The following LRRC37A2 variants were observed in gnomAD, a reference collection of about 807,000 sequenced individuals.
LRRC37A2 encodes the protein leucine rich repeat containing 37 member A2, also known as leucine-rich repeat-containing protein 37A2.
Under a neutral mutation model 68.8 loss-of-function variants are expected in LRRC37A2, and 9 were observed. The ratio of observed to expected loss-of-function variants is 0.13; its 90% confidence interval spans 0.08 to 0.23. The LOEUF (loss-of-function observed/expected upper bound fraction) is 0.23. LRRC37A2 is among the 10% of genes least tolerant of loss of function. The pLI, the probability that LRRC37A2 is intolerant of heterozygous loss-of-function variation, is 1.00. For missense variants in LRRC37A2, 168 were observed against 950.4 expected, an observed-to-expected ratio of 0.18 and a Z score of 10.82; for synonymous variants, 63 against 367.6, an observed-to-expected ratio of 0.17 and a Z score of 9.48.
At chr17:46,525,446 G>A (rs58694652) in intron 6 of LRRC37A2, among the ~76,000 whole-genome samples, 6,427 of 110,520 alleles carry the variant, frequency 0.058, 591 homozygotes, top group East Asian at 0.38. Flanking sequence ...AATTAGCTGG[G>A]CATGGTGGCA....
the LRRC37A2 span, among the ~76,000 whole-genome samples, chr17:46,980,810 G>A: frequency 1.3e-5 from 2 of 151,860 alleles, no homozygotes. Context: ...TCCAGCCTGG[G>A]TGACAGAGCG....
chr17:46,541,346 G>A (rs2055278686), intron 8 of LRRC37A2, among the ~76,000 whole-genome samples: 1 of 149,316 alleles, frequency 6.7e-6, no homozygotes, highest in South Asian at 2.1e-4. Flanking sequence ...CCACCTCCCA[G>A]GTTCAAGTGG....
At chr17:46,635,649 TA>T in the LRRC37A2 span, among the ~76,000 whole-genome samples, 1 of 77,010 alleles carries the variant, frequency 1.3e-5, no homozygotes, top group Middle Eastern at 9.4e-3. Context: ...GTTGGAGGGA[TA>T]AAAGTTGGTC....
At chr17:46,851,596 A>T in the LRRC37A2 span, 1 of 1,152,426 alleles carries the variant, frequency 8.7e-7, no homozygotes, top group Non-Finnish European at 1.1e-6. The surrounding 1 kb of genome is among the most constrained non-coding windows in gnomAD (Gnocchi z 4.3). Flanking sequence ...TGCGAGCTTG[A>T]GCGGCGCGAG....
chr17:47,014,622 G>A, the LRRC37A2 span, among the ~76,000 whole-genome samples: 2 of 151,382 alleles, frequency 1.3e-5, no homozygotes, highest in African/African-American at 4.9e-5. Context: ...CAGAACTGAG[G>A]ATTGTATTAC....
chr17:46,789,596 T>TTGTTAC, the LRRC37A2 span, among the ~76,000 whole-genome samples: 2 of 17,484 alleles, frequency 1.1e-4, no homozygotes, highest in Non-Finnish European at 1.5e-4. Flanking sequence ...AGGTAACCTC[T>TTGTTAC]CAGGGAACAC....
At chr17:46,724,489 C>T in the LRRC37A2 span, among the ~76,000 whole-genome samples, 1 of 152,182 alleles carries the variant, frequency 6.6e-6, no homozygotes, top group East Asian at 1.9e-4. Flanking sequence ...ACTCCTAAGG[C>T]TTCTTTCAGA....
At chr17:46,776,176 C>T in the LRRC37A2 span, among the ~76,000 whole-genome samples, 1 of 152,168 alleles carries the variant, frequency 6.6e-6, no homozygotes, top group Non-Finnish European at 1.5e-5. Context: ...ACTATGTGAC[C>T]CTGCCTGCTG....
chr17:46,868,365 G>A, the LRRC37A2 span, among the ~76,000 whole-genome samples: 2 of 152,208 alleles, frequency 1.3e-5, no homozygotes, highest in Admixed American at 1.3e-4. Flanking sequence ...GCCAAGGTGG[G>A]CGGATCACAT....
chr17:46,855,600 A>T, the LRRC37A2 span, among the ~76,000 whole-genome samples: 1 of 152,210 alleles, frequency 6.6e-6, no homozygotes, highest in Non-Finnish European at 1.5e-5. Context: ...ATGCCTAGGA[A>T]TTCCACAAAT....
chr17:46,857,195 G>A, the LRRC37A2 span, among the ~76,000 whole-genome samples: 4 of 152,086 alleles, frequency 2.6e-5, no homozygotes, highest in South Asian at 2.1e-4. Context: ...TTGGCTGGGC[G>A]TGGTGGCTCA....
the LRRC37A2 span, chr17:46,978,418 C>A: frequency 1.9e-6 from 1 of 532,438 alleles, no homozygotes; most frequent in Non-Finnish European, 3.2e-6. Context: ...AGAACCCTCA[C>A]CCCACATTCT....
the LRRC37A2 span, chr17:46,755,771 GTTTT>G: frequency 2.1e-5 from 30 of 1,460,010 alleles, no homozygotes; most frequent in Non-Finnish European, 2.7e-5. Context: ...ACCCTCATCT[GTTTT>G]TTTGTGTTTT....
chr17:46,978,938 C>T, the LRRC37A2 span: 1 of 1,455,550 alleles, frequency 6.9e-7, no homozygotes, highest in Non-Finnish European at 9.0e-7. Flanking sequence ...TTTCCCAGGG[C>T]GGCCCCGGCG....
At chr17:46,532,204 A>G (rs1598388224) in intron 6 of LRRC37A2, among the ~76,000 whole-genome samples, 2 of 148,736 alleles carry the variant, frequency 1.3e-5, no homozygotes, top group East Asian at 4.0e-4. Flanking sequence ...CAGCCAATAA[A>G]TGAAAACTTT....
the LRRC37A2 span, among the ~76,000 whole-genome samples, chr17:46,873,184 C>G: frequency 1.5e-4 from 23 of 152,052 alleles, no homozygotes; most frequent in South Asian, 1.3e-3. Flanking sequence ...ATTCCAGGCC[C>G]GATGACACGA....
the LRRC37A2 span, among the ~76,000 whole-genome samples, chr17:46,881,524 C>T: frequency 2.0e-5 from 3 of 152,216 alleles, no homozygotes; most frequent in African/African-American, 4.8e-5. Context: ...CGCTAGCAAG[C>T]GGATCCAGGC....
At chr17:46,858,497 T>G in the LRRC37A2 span, among the ~76,000 whole-genome samples, 2 of 151,682 alleles carry the variant, frequency 1.3e-5, no homozygotes, top group African/African-American at 4.9e-5. Flanking sequence ...TTTATTTTAT[T>G]TTTTGGAGAA....
chr17:46,518,524 TACTC>T (rs1281121659), intron 3 of LRRC37A2, among the ~76,000 whole-genome samples: 1 of 112,950 alleles, frequency 8.9e-6, no homozygotes, highest in East Asian at 2.5e-4. Flanking sequence ...TGTGCCAACT[TACTC>T]TATTGTCAGC....
Sources: gnomAD v4.1 joint callset for allele counts (sites outside exome capture counted in the v4.1 genomes callset) on GRCh38, gnomAD v4.1.1 for gene constraint, Gnocchi (gnomAD v3.1) non-coding constraint, MANE v1.5 for transcripts, NCBI Gene and HGNC (gene_info 2026-07-23, HGNC 2026-07-21) for gene names.